The following AGBL1 variants were observed in gnomAD, a reference collection of about 807,000 sequenced individuals.
AGBL1 encodes AGBL carboxypeptidase 1.
AGBL1 carries 130 observed loss-of-function variants against 118.9 expected under a neutral mutation model. That is an observed-to-expected ratio of 1.09 (90% CI 0.95 to 1.26). The LOEUF is 1.26. Among genes scored for constraint, AGBL1 ranks in the 50% most tolerant of loss-of-function variants. AGBL1 has a pLI of 0.00. For synonymous variants in AGBL1, 555 were observed against 478.9 expected (o/e 1.16, Z -2.08); for missense variants, 1,584 against 1,298.1 (o/e 1.22, Z -3.38).
intron 18 of AGBL1, among the ~76,000 whole-genome samples, chr15:86,428,734 T>C (rs1383116673): frequency 3.9e-5 from 6 of 152,304 alleles, no homozygotes; most frequent in South Asian, 2.1e-4. Flanking sequence ...CTGAAGGTCA[T>C]TAATTGTACC....
At chr15:86,271,737 TCTGTC>T in intron 15 of AGBL1, 31 bp downstream of exon 15, 1 of 1,559,212 alleles carries the variant, frequency 6.4e-7, no homozygotes, top group East Asian at 2.2e-5. Context: ...CTTCCTTTTC[TCTGTC>T]CTGTAATTTT....
Position 86,912,247 on chromosome 15 carries a change from G to A in AGBL1, c.*4953G>A, listed in dbSNP as rs1014231003. The A allele has an allele frequency of 6.6e-6, 1 of 152,210 alleles. No individual in the cohort carries two copies. Among genetic ancestry groups the A allele is most frequent in the Non-Finnish European group, 1.5e-5 (1 of 68,072 alleles). 9.4% of individuals were successfully genotyped at this position (152,210 alleles called of 1,614,324 possible). On this transcript the variant is annotated 3_prime_UTR_variant, in exon 23 of 23. Transcript: ENST00000614907. The stretch of plus-strand genomic sequence containing the variant: ...GTTGCCATGGAAGAGTTCCCAGTGC[G>A]AGGCGAGCTTAACAAGGGGCAGGGT...
chr15:86,245,022 C>T (rs993687518), intron 6 of AGBL1, among the ~76,000 whole-genome samples: 7 of 152,002 alleles, frequency 4.6e-5, no homozygotes, highest in African/African-American at 1.7e-4. Flanking sequence ...AAATGTATCA[C>T]CAGGTGAATA....
At chr15:86,158,846 TA>T (rs138607491) in intron 4 of AGBL1, 86 bp from the exon 5 acceptor site, 186,433 of 1,184,378 alleles carry the variant, frequency 0.16, 16,048 homozygotes, top group East Asian at 0.31. Context: ...AGTTGCCCCT[TA>T]AAGATTTAAA....
At chr15:86,779,001 C>T (rs1190152511) in intron 22 of AGBL1, among the ~76,000 whole-genome samples, 1 of 152,222 alleles carries the variant, frequency 6.6e-6, no homozygotes, top group Non-Finnish European at 1.5e-5. Context: ...TCTGCCATGG[C>T]TTCAGCCGGT....
At chr15:86,626,046 T>G (rs1181932122) in intron 21 of AGBL1, among the ~76,000 whole-genome samples, 1 of 151,972 alleles carries the variant, frequency 6.6e-6, no homozygotes, top group African/African-American at 2.4e-5. Flanking sequence ...AAGAGATGCA[T>G]GAACAGAAGT....
At chr15:87,016,769 T>G (rs1240458222) in intron 24 of AGBL1, among the ~76,000 whole-genome samples, 1 of 151,952 alleles carries the variant, frequency 6.6e-6, no homozygotes, top group Admixed American at 6.6e-5. Context: ...CCAAGGGAAG[T>G]GGTGAGTGAT....
At chr15:86,367,538 G>C (rs1320548281) in intron 17 of AGBL1, among the ~76,000 whole-genome samples, 1 of 151,908 alleles carries the variant, frequency 6.6e-6, no homozygotes, top group Admixed American at 6.6e-5. Flanking sequence ...CCAAAACCTA[G>C]GGATCATACT....
At chr15:86,781,762 A>G (rs1423543735) in intron 22 of AGBL1, among the ~76,000 whole-genome samples, 4 of 152,186 alleles carry the variant, frequency 2.6e-5, no homozygotes, top group Non-Finnish European at 5.9e-5. Flanking sequence ...CCTCAGCTTG[A>G]GGCTTATGAG....
intron 18 of AGBL1, among the ~76,000 whole-genome samples, chr15:86,482,456 T>C (rs919677280): frequency 6.6e-6 from 1 of 152,184 alleles, no homozygotes; most frequent in African/African-American, 2.4e-5. Flanking sequence ...AACTCTACTT[T>C]GGATTAAAAA....
intron 21 of AGBL1, among the ~76,000 whole-genome samples, chr15:86,644,851 C>CAAAAAAAAAAAAAAA (rs11434077): frequency 4.0e-5 from 4 of 99,548 alleles, no homozygotes; most frequent in Non-Finnish European, 5.6e-5. Flanking sequence ...ACTAAAAATA[C>CAAAAAAAAAAAAAAA]AAAAAAAAAA....
At chr15:86,443,113 A>C (rs1188942096) in intron 18 of AGBL1, among the ~76,000 whole-genome samples, 1 of 152,198 alleles carries the variant, frequency 6.6e-6, no homozygotes, top group Non-Finnish European at 1.5e-5. Flanking sequence ...GCTAGACAGA[A>C]GTCACTGAGC....
At chr15:86,152,118 C>T (rs1225932421) in intron 3 of AGBL1, among the ~76,000 whole-genome samples, 2 of 152,094 alleles carry the variant, frequency 1.3e-5, no homozygotes, top group African/African-American at 4.8e-5. Flanking sequence ...GATTCAATGC[C>T]ATCCCCATCA....
chr15:86,269,057 T>C (rs750809871), intron 13 of AGBL1, among the ~76,000 whole-genome samples: 3 of 152,160 alleles, frequency 2.0e-5, no homozygotes, highest in Non-Finnish European at 4.4e-5. Flanking sequence ...TTTGGAGATA[T>C]ATAGTGATGG....
chr15:86,258,360 C>G (rs955871029), intron 9 of AGBL1, among the ~76,000 whole-genome samples: 3 of 152,166 alleles, frequency 2.0e-5, no homozygotes, highest in Non-Finnish European at 2.9e-5. Flanking sequence ...ATTTAAGACC[C>G]TAGAAAGATT....
chr15:86,152,988 A>G (rs540570745), intron 3 of AGBL1, among the ~76,000 whole-genome samples: 2 of 152,292 alleles, frequency 1.3e-5, no homozygotes, highest in African/African-American at 4.8e-5. Flanking sequence ...TTAGAATGGT[A>G]ATCATTAAAA....
intron 22 of AGBL1, among the ~76,000 whole-genome samples, chr15:86,787,916 T>C (rs2078437594): frequency 6.6e-6 from 1 of 152,224 alleles, no homozygotes; most frequent in African/African-American, 2.4e-5. Context: ...AGAGTCTATA[T>C]ATTTTGAACA....
chr15:86,270,822 A>G (rs2079148304), intron 14 of AGBL1, among the ~76,000 whole-genome samples: 1 of 152,212 alleles, frequency 6.6e-6, no homozygotes, highest in South Asian at 2.1e-4. Flanking sequence ...GTTCTCTTAC[A>G]GTTCTGGGGT....
intron 16 of AGBL1, 121 bp downstream of exon 16, chr15:86,279,904 C>T (rs1485398785): frequency 6.9e-6 from 9 of 1,309,670 alleles, no homozygotes; most frequent in Non-Finnish European, 9.5e-6. Flanking sequence ...AGGGGAACTA[C>T]AGCCTTCCTA....
Sources: gnomAD v4.1 joint callset for allele counts (sites outside exome capture counted in the v4.1 genomes callset) on GRCh38, gnomAD v4.1.1 for gene constraint, MANE v1.5 for transcripts, NCBI Gene and HGNC (gene_info 2026-07-23, HGNC 2026-07-21) for gene names.